Variants in EVL observed in about 807,000 individuals in gnomAD.
EVL encodes ena/VASP-like protein.
In EVL, 21 loss-of-function variants were observed where a neutral mutation model predicts 59.6. The observed-to-expected ratio is 0.35, with a 90% confidence interval of 0.25 to 0.51. The LOEUF is 0.51. Ranked by LOEUF, EVL falls within the 20% of genes least tolerant of loss-of-function variation. EVL has a pLI of 0.97. For missense variants in EVL, 462 were observed against 546.6 expected (o/e 0.85, Z 1.54); for synonymous variants, 198 against 203.5 (o/e 0.97, Z 0.23).
At chr14:99,991,074 A>G (rs1438915341) in intron 1 of EVL, among the ~76,000 whole-genome samples, 3 of 152,056 alleles carry the variant, frequency 2.0e-5, no homozygotes, top group Non-Finnish European at 4.4e-5. Flanking sequence ...AAACTTGGAG[A>G]TGAACTGCCA....
chr14:100,038,008 A>C (rs2061412571), intron 1 of EVL, among the ~76,000 whole-genome samples: 2 of 152,206 alleles, frequency 1.3e-5, no homozygotes, highest in African/African-American at 4.8e-5. Flanking sequence ...CTTGGTTGTG[A>C]TCACCAGGTT....
chr14:100,033,574 G>A (rs2061345327), intron 1 of EVL, among the ~76,000 whole-genome samples: 1 of 152,186 alleles, frequency 6.6e-6, no homozygotes, highest in African/African-American at 2.4e-5. Context: ...AGGAAAACCT[G>A]TTGGGTATTC....
chr14:100,024,025 ACTC>A (rs2061170452), intron 1 of EVL, among the ~76,000 whole-genome samples: 1 of 151,950 alleles, frequency 6.6e-6, no homozygotes, highest in African/African-American at 2.4e-5. Flanking sequence ...GTTTCTCAGA[ACTC>A]CTGGTATTTG....
chr14:100,110,121 G>A (rs1886866762), intron 3 of EVL, among the ~76,000 whole-genome samples: 2 of 152,232 alleles, frequency 1.3e-5, no homozygotes, highest in South Asian at 4.1e-4. Flanking sequence ...GCTCATGCCT[G>A]TAATCCCAGC....
chr14:100,120,185 A>G (rs1056794274), intron 3 of EVL, among the ~76,000 whole-genome samples: 6 of 152,064 alleles, frequency 3.9e-5, no homozygotes, highest in Non-Finnish European at 8.8e-5. Flanking sequence ...ACCCCTTCTA[A>G]TCCCTATATC....
At chr14:100,076,669 G>A (rs913368842) in intron 1 of EVL, among the ~76,000 whole-genome samples, 1 of 152,186 alleles carries the variant, frequency 6.6e-6, no homozygotes, top group African/African-American at 2.4e-5. Context: ...GGGTCAGCTC[G>A]GCTCGGCTGA....
rs1369001440 is a variant in EVL, at chr14:100,130,212, C to G, written c.839+528C>G. Among the ~76,000 whole-genome samples, 2 of 152,322 alleles carry G rather than the reference C, an allele frequency of 1.3e-5. No homozygotes were observed. Among genetic ancestry groups the G allele is most frequent in the African/African-American group, 2.4e-5 (1 of 41,576 alleles). ...GTTCCATCTACATCCCGGCCGGGCTCTTGGGCCTGAGACCTGGCCATGTGT... is the reference window on the plus strand; with the variant it reads ...GTTCCATCTACATCCCGGCCGGGCTGTTGGGCCTGAGACCTGGCCATGTGT... On this transcript the variant is annotated intron_variant, in intron 7 of 13. Transcript: ENST00000392920. The surrounding 1 kb of genome is among the most constrained non-coding windows in gnomAD (Gnocchi z 4.8).
intron 1 of EVL, among the ~76,000 whole-genome samples, chr14:100,069,585 T>G (rs1420024619): frequency 6.6e-6 from 1 of 152,146 alleles, no homozygotes; most frequent in African/African-American, 2.4e-5. Flanking sequence ...AACCCGCACT[T>G]CCCTAGAGAC....
intron 8 of EVL, 110 bp from the exon 9 acceptor site, chr14:100,135,795 T>G (rs1888743250): frequency 2.2e-6 from 2 of 926,458 alleles, no homozygotes; most frequent in Non-Finnish European, 3.5e-6. Context: ...AAAAGTCATA[T>G]GTGTTCATTG....
At chr14:100,005,553 A>G (rs1449462275) in intron 1 of EVL, among the ~76,000 whole-genome samples, 2 of 151,884 alleles carry the variant, frequency 1.3e-5, no homozygotes, top group East Asian at 3.9e-4. Context: ...GAATTCAATC[A>G]ACTGAGAAGA....
In EVL at chr14:100,143,701, C is replaced by T. The variant is rs1566737296; in HGVS notation, c.1220C>T (p.Ala407Val). 2 of 1,612,156 alleles carry T rather than the reference C, an allele frequency of 1.2e-6. No individual in the cohort carries two copies. Among genetic ancestry groups the T allele is most frequent in the Non-Finnish European group, 1.7e-6 (2 of 1,179,924 alleles). ...LHKVKEEIID[A>V]IRQELSGIST... ...TGAGCCGCCGCCACCTGTCCCGCAG[C>T]CATCAGGCAGGAGCTGAGTGGGATC... is the stretch of plus-strand genomic sequence containing the variant. Residue 407 changes from alanine to valine, a missense_variant and splice_region_variant, in exon 14 of 14, where the codon GCC becomes GTC. By Grantham distance (64) the Ala-to-Val change is moderately conservative. Transcript: ENST00000392920.
Position 100,127,555 on chromosome 14 carries a change from T to C in EVL, c.487+784T>C, listed in dbSNP as rs1595232141. On this transcript the variant is annotated intron_variant, in intron 5 of 13. Coordinates refer to ENST00000392920, the MANE Select transcript of EVL (RefSeq NM_016337.3). The surrounding 1 kb of genome is among the most constrained non-coding windows in gnomAD (Gnocchi z 4.2). Reference sequence around the variant, plus strand: ...TGATGCAGGTCTGACACTGTCATCATGTCGTCCCTTCCCCATCACTCTTGG... The same window carrying C: ...TGATGCAGGTCTGACACTGTCATCACGTCGTCCCTTCCCCATCACTCTTGG... Among the ~76,000 whole-genome samples the C allele has an allele frequency of 6.6e-6, 1 of 152,326 alleles. No homozygotes were observed. The highest frequency in any genetic ancestry group is 3.4e-3 in the Middle Eastern group (1 of 294).
At chr14:100,077,034 G>A (rs1056132641) in intron 1 of EVL, among the ~76,000 whole-genome samples, 1 of 152,142 alleles carries the variant, frequency 6.6e-6, no homozygotes, top group African/African-American at 2.4e-5. Context: ...GATAAACTGG[G>A]GAACACAGAA....
rs1886743173 is a variant in EVL at position 100,108,671 on chromosome 14, T to C, written c.358+11013T>C. The stretch of plus-strand genomic sequence containing the variant: ...GGCTCTCCTGTGCCCCTGGCCCTTC[T>C]TCCCCTCTCACTTTTCCCCACACTT... On this transcript the variant is annotated intron_variant, in intron 3 of 13. Transcript: ENST00000392920. This position sits in a 1 kb window ranked among gnomAD's most constrained non-coding sequence, Gnocchi z 4.1. Among the ~76,000 whole-genome samples, 1 of 152,182 alleles carries C rather than the reference T, an allele frequency of 6.6e-6. No homozygotes were observed.
chr14:100,141,306 GTC>G (rs1889150947), intron 12 of EVL, 60 bp downstream of exon 12: 3 of 1,581,690 alleles, frequency 1.9e-6, no homozygotes, highest in African/African-American at 2.7e-5. Flanking sequence ...GCGGGGGACC[GTC>G]TCTGACCAGC....
chr14:100,106,805 A>T (rs1006515859), intron 3 of EVL: 2 of 398,494 alleles, frequency 5.0e-6, no homozygotes, highest in Non-Finnish European at 8.8e-6. Context: ...GAGATAGCAC[A>T]GTGTCTGTCT....
intron 2 of EVL, among the ~76,000 whole-genome samples, 167 bp from the exon 3 acceptor site, chr14:100,097,314 A>G (rs1283096966): frequency 6.6e-6 from 1 of 152,064 alleles, no homozygotes; most frequent in Non-Finnish European, 1.5e-5. Flanking sequence ...TCACTGTTCT[A>G]TAGATTATGG....
At chr14:99,987,111 A>G (rs964213063) in intron 1 of EVL, among the ~76,000 whole-genome samples, 11 of 152,254 alleles carry the variant, frequency 7.2e-5, no homozygotes, top group African/African-American at 2.7e-4. Context: ...TAAAGTGACA[A>G]GACAATCCTG....
At chr14:100,098,473 C>T (rs1417949065) in intron 3 of EVL, among the ~76,000 whole-genome samples, 1 of 152,192 alleles carries the variant, frequency 6.6e-6, no homozygotes, top group African/African-American at 2.4e-5. Flanking sequence ...AGGGCTTGCA[C>T]AGTGAAAGGC....
Sources: allele counts gnomAD v4.1 joint callset (sites outside exome capture counted in the v4.1 genomes callset), GRCh38; gene constraint gnomAD v4.1.1; non-coding constraint Gnocchi (gnomAD v3.1); transcripts MANE v1.5; gene names NCBI Gene and HGNC (gene_info 2026-07-23, HGNC 2026-07-21).